Variants in BRINP1 observed in about 807,000 individuals in gnomAD.
BRINP1 encodes BMP/retinoic acid inducible neural specific 1, also known as BMP/retinoic acid-inducible neural-specific protein 1.
BRINP1 carries 17 observed loss-of-function variants against 72.9 expected under a neutral mutation model. The ratio of observed to expected loss-of-function variants is 0.23; its 90% CI spans 0.16 to 0.35. BRINP1 has a LOEUF of 0.35. Among genes scored for constraint, BRINP1 ranks in the 10% least tolerant of loss-of-function variants. The pLI is 1.00. For synonymous variants in BRINP1, 418 were observed against 378.5 expected (o/e 1.10, Z -1.21); for missense variants, 850 against 1,001.6 (o/e 0.85, Z 2.04).
chr9:119,280,645 T>C (rs1253338598), intron 2 of BRINP1, among the ~76,000 whole-genome samples: 1 of 152,108 alleles, frequency 6.6e-6, no homozygotes, highest in Non-Finnish European at 1.5e-5. Flanking sequence ...ACTACTCAAG[T>C]TTGTCACCTA....
intron 7 of BRINP1, among the ~76,000 whole-genome samples, chr9:119,181,092 A>G (rs2118838398): frequency 6.6e-6 from 1 of 152,346 alleles, no homozygotes; most frequent in South Asian, 2.1e-4. Flanking sequence ...TGGGGCATGA[A>G]TGTGCTGAAG....
chr9:119,167,947 T>G lies in BRINP1; in HGVS notation c.1423A>C (p.Ile475Leu), dbSNP rs759958075. 1 of 1,614,222 alleles carries G rather than the reference T, an allele frequency of 6.2e-7. No homozygotes were observed. The highest frequency in any genetic ancestry group is 1.7e-5 in the Admixed American group (1 of 60,028). ...AAGTCCAGGTCAGTCTCAAAGCTGA[T>G]GAACTGCTCGCTCCGCTCCGAGTCC... ...NVDSERSEQF[I>L]SFETDLDFQD... Residue 475 changes from isoleucine (I) to leucine (L), a missense_variant, in exon 8 of 8, where the codon ATC becomes CTC. Transcript: ENST00000265922. The surrounding 1 kb of genome is among the most constrained non-coding windows in gnomAD (Gnocchi z 4.3).
intron 1 of BRINP1, among the ~76,000 whole-genome samples, chr9:119,347,463 G>C (rs573901252): frequency 2.0e-5 from 3 of 152,000 alleles, no homozygotes; most frequent in Non-Finnish European, 4.4e-5. Context: ...CATGAACACC[G>C]TGTCCTGCAC....
Position 119,334,075 on chromosome 9 carries a change from G to A in BRINP1, c.-50-20670C>T, listed in dbSNP as rs776053753. Among the ~76,000 whole-genome samples, 7 of 152,292 alleles carry A rather than the reference G, an allele frequency of 4.6e-5. No homozygotes were observed. In the South Asian group the frequency reaches 6.2e-4, roughly 14 times the overall value. Reference sequence around the variant, plus strand: ...CTAAATGCAGTCTGAGAAGAAGGCCGCTTCCCTGCTGGGAGTGGGGCCCAG... The same window carrying A: ...CTAAATGCAGTCTGAGAAGAAGGCCACTTCCCTGCTGGGAGTGGGGCCCAG... On this transcript the variant is annotated intron_variant, in intron 1 of 7. Transcript: ENST00000265922.
intron 1 of BRINP1, among the ~76,000 whole-genome samples, chr9:119,358,777 CCTATGT>C (rs1190888236): frequency 6.6e-6 from 1 of 152,172 alleles, no homozygotes; most frequent in Admixed American, 6.5e-5. Context: ...GGTAGGTGAT[CCTATGT>C]CTATATCTGG....
Position 119,291,008 on chromosome 9 carries a change from A to G in BRINP1, c.218+22130T>C, listed in dbSNP as rs375213503. ...CATGGTGGCAGGCACCTGTAATCCC[A>G]GCTACTTCGGAGGCTGAGGCAGGAG... On this transcript the variant is annotated intron_variant, in intron 2 of 7. Coordinates refer to ENST00000265922, the MANE Select transcript of BRINP1 (RefSeq NM_014618.3). Among the ~76,000 whole-genome samples, 20 of 151,986 alleles carry G rather than the reference A, an allele frequency of 1.3e-4. No homozygotes were observed. In the East Asian group the frequency reaches 3.7e-3, roughly 28 times the overall value.
rs142257672 is a variant in BRINP1, at chr9:119,314,520, C to A, written c.-50-1115G>T. On this transcript the variant is annotated intron_variant, in intron 1 of 7. Coordinates refer to ENST00000265922, the MANE Select transcript of BRINP1 (RefSeq NM_014618.3). ...AGCTGGGACTACAGTCACGTGCCAC[C>A]ACACCCAGCTGATTTTTGTATTTTT... Among the ~76,000 whole-genome samples, 248 of 152,224 alleles carry A rather than the reference C, an allele frequency of 1.6e-3. 1 individual carries two copies. The highest frequency in any genetic ancestry group is 4.7e-3 in the African/African-American group (197 of 41,536).
chr9:119,292,177 A>C (rs146991578), intron 2 of BRINP1, among the ~76,000 whole-genome samples: 21 of 152,316 alleles, frequency 1.4e-4, no homozygotes, highest in African/African-American at 5.1e-4. Context: ...GGACTTGACC[A>C]AGTCCACTTA....
intron 5 of BRINP1, 139 bp downstream of exon 5, chr9:119,238,516 T>G: frequency 1.8e-6 from 1 of 564,672 alleles, no homozygotes; most frequent in Non-Finnish European, 3.1e-6. Context: ...CTAATTTCCA[T>G]ATTTGCAGTT....
At chr9:119,352,881 C>T (rs1831519716) in intron 1 of BRINP1, among the ~76,000 whole-genome samples, 1 of 152,218 alleles carries the variant, frequency 6.6e-6, no homozygotes, top group African/African-American at 2.4e-5. Flanking sequence ...TCTTAAATCA[C>T]TATCAACTTC....
At chr9:119,348,510 G>A (rs561683253) in intron 1 of BRINP1, among the ~76,000 whole-genome samples, 10 of 152,340 alleles carry the variant, frequency 6.6e-5, no homozygotes, top group Middle Eastern at 6.8e-3. Flanking sequence ...GTAAGAGTAT[G>A]TTTAGTTTTG....
At chr9:119,181,709 T>A (rs973715654) in intron 7 of BRINP1, among the ~76,000 whole-genome samples, 1 of 152,140 alleles carries the variant, frequency 6.6e-6, no homozygotes, top group Non-Finnish European at 1.5e-5. Context: ...AACTCATTGG[T>A]TATTCAGTCT....
intron 1 of BRINP1, among the ~76,000 whole-genome samples, chr9:119,351,330 A>C (rs191028912): frequency 6.6e-6 from 1 of 152,126 alleles, no homozygotes; most frequent in East Asian, 1.9e-4. Flanking sequence ...CACTCTAAAC[A>C]CTTCTTTAAG....
At position 119,261,258 on chromosome 9, in the gene BRINP1, G is replaced by A. The variant is rs527678428; in HGVS notation, c.219-12108C>T. On this transcript the variant is annotated intron_variant, in intron 2 of 7. Coordinates refer to ENST00000265922, the MANE Select transcript of BRINP1 (RefSeq NM_014618.3). ...CATTCTTAACTAGGAAATGCTATGA[G>A]TTTCAGAAAAGTAAAAATGTTTATG... Among the ~76,000 whole-genome samples the A allele has an allele frequency of 8.1e-4, 123 of 152,306 alleles. 1 individual carries two copies. Among genetic ancestry groups the A allele is most frequent in the African/African-American group, 2.9e-3 (120 of 41,564 alleles).
intron 5 of BRINP1, among the ~76,000 whole-genome samples, chr9:119,234,850 T>C (rs1023291641): frequency 3.3e-5 from 5 of 152,174 alleles, no homozygotes; most frequent in Non-Finnish European, 7.4e-5. Context: ...AATCACTCCC[T>C]TTTCTGAATC....
At chr9:119,199,332 C>T (rs1214300969) in intron 7 of BRINP1, among the ~76,000 whole-genome samples, 1 of 152,098 alleles carries the variant, frequency 6.6e-6, no homozygotes, top group Non-Finnish European at 1.5e-5. Context: ...TGAGGGTCAT[C>T]AGAATAGAGA....
intron 4 of BRINP1, among the ~76,000 whole-genome samples, chr9:119,240,668 C>T (rs1830237599): frequency 6.6e-6 from 1 of 152,144 alleles, no homozygotes; most frequent in Non-Finnish European, 1.5e-5. Context: ...ACAGGCGATT[C>T]TTTTCGGATA....
At chr9:119,278,704 A>G (rs1367692680) in intron 2 of BRINP1, among the ~76,000 whole-genome samples, 1 of 152,176 alleles carries the variant, frequency 6.6e-6, no homozygotes, top group Non-Finnish European at 1.5e-5. Context: ...TCTGGCCAAC[A>G]TGGTGAAACC....
In BRINP1 at chr9:119,350,618, TA is replaced by T. The variant is rs373179204; in HGVS notation, c.-51+18437del. ...TCCACATGTATTAAGAAATACACAT[TA>T]AAAAAAAAGATTGCACACACACTCG... On this transcript the variant is annotated intron_variant, in intron 1 of 7. Transcript: ENST00000265922. Among the ~76,000 whole-genome samples the T allele has an allele frequency of 6.1e-3, 926 of 150,934 alleles. 9 individuals carry two copies. Among genetic ancestry groups the T allele is most frequent in the African/African-American group, 0.015 (615 of 41,038 alleles).
Sources: allele counts gnomAD v4.1 joint callset (sites outside exome capture counted in the v4.1 genomes callset), GRCh38; gene constraint gnomAD v4.1.1; non-coding constraint Gnocchi (gnomAD v3.1); transcripts MANE v1.5; gene names NCBI Gene and HGNC (gene_info 2026-07-23, HGNC 2026-07-21).